The following PDPR variants were observed in gnomAD, a reference collection of about 807,000 sequenced individuals.
PDPR encodes pyruvate dehydrogenase phosphatase regulatory subunit.
PDPR carries 50 observed loss-of-function variants against 102.2 expected under a neutral mutation model. That is an observed-to-expected ratio of 0.49 (90% CI 0.39 to 0.62). The LOEUF (loss-of-function observed/expected upper bound fraction) is 0.62, where lower values mean the gene tolerates loss of function less well. Among genes scored for constraint, PDPR ranks in the 20% least tolerant of loss-of-function variants. The pLI is 0.00. For synonymous variants in PDPR, 259 were observed against 406.0 expected (o/e 0.64, Z 4.35); for missense variants, 625 against 1,098.2 (o/e 0.57, Z 6.09).
At chr16:70,156,433 C>G in intron 18 of PDPR, 42 bp from the exon 19 acceptor site, 1 of 1,603,528 alleles carries the variant, frequency 6.2e-7, no homozygotes, top group African/African-American at 1.3e-5. Flanking sequence ...TGCCGAGGGT[C>G]TGAGTGTCGC....
chr16:70,128,353 C>T (rs543157650), intron 4 of PDPR, among the ~76,000 whole-genome samples: 3 of 152,322 alleles, frequency 2.0e-5, no homozygotes, highest in Non-Finnish European at 4.4e-5. Context: ...TCAGCCTTCC[C>T]GGTAGCTGGG....
chr16:70,155,362 A>G (rs1393342936), intron 18 of PDPR, among the ~76,000 whole-genome samples: 1 of 152,156 alleles, frequency 6.6e-6, no homozygotes, highest in Non-Finnish European at 1.5e-5. Context: ...GCTCACTGCA[A>G]TCTCTGCCTC....
At chr16:70,125,726 T>C (rs1963896446) in intron 3 of PDPR, among the ~76,000 whole-genome samples, 1 of 152,154 alleles carries the variant, frequency 6.6e-6, no homozygotes, top group Non-Finnish European at 1.5e-5. Context: ...CTCTGCCTCC[T>C]GGGTTCAGGC....
chr16:70,137,231 T>A (rs1351179273), intron 10 of PDPR, among the ~76,000 whole-genome samples: 2 of 152,102 alleles, frequency 1.3e-5, no homozygotes, highest in African/African-American at 4.8e-5. Flanking sequence ...TGGCGGGTGC[T>A]TGTGGTCCCA....
Position 70,131,294 on chromosome 16 carries a change from A to T in PDPR, c.730-8A>T, listed in dbSNP as rs1964512164. ...TTCCCACCCACAAATCAACCTGTCC[A>T]TTTGTAGTGGGCATACGAGCTGGGT... On this transcript the variant is annotated splice_polypyrimidine_tract_variant and splice_region_variant and intron_variant, in intron 7 of 18. Coordinates refer to ENST00000288050, the MANE Select transcript of PDPR (RefSeq NM_017990.5). The T allele has an allele frequency of 6.7e-7, 1 of 1,503,560 alleles. No individual in the cohort carries two copies. 93.1% of individuals were successfully genotyped at this position (1,503,560 alleles called of 1,614,324 possible).
Position 70,158,435 on chromosome 16 carries a change from C to G in PDPR, c.*1556C>G, listed in dbSNP as rs541760940. ...TTTCATTAGAGCAGCTTAAAATGCT[C>G]AGGTGTCTGCCTTCTCTGGTGTTTC... is the stretch of plus-strand genomic sequence containing the variant. On this transcript the variant is annotated 3_prime_UTR_variant, in exon 19 of 19. Coordinates refer to ENST00000288050, the MANE Select transcript of PDPR (RefSeq NM_017990.5). 2.9e-4 allele frequency: 44 copies of G among 153,280 alleles called. No homozygotes were observed. The highest frequency in any genetic ancestry group is 1.0e-3 in the African/African-American group (42 of 41,590). 9.5% of individuals were successfully genotyped at this position (153,280 alleles called of 1,614,324 possible).
intron 18 of PDPR, among the ~76,000 whole-genome samples, chr16:70,154,228 T>G (rs907744726): frequency 5.9e-5 from 9 of 151,876 alleles, no homozygotes; most frequent in Admixed American, 1.3e-4. Flanking sequence ...CTCGGGAGGC[T>G]GAGGCAGGAG....
chr16:70,133,918 A>G (rs1300507979), intron 9 of PDPR, among the ~76,000 whole-genome samples: 9 of 151,810 alleles, frequency 5.9e-5, no homozygotes, highest in African/African-American at 2.2e-4. Context: ...TTTTTAGTAG[A>G]GACAGGGTTT....
intron 4 of PDPR, among the ~76,000 whole-genome samples, chr16:70,128,244 T>TA (rs1370105500): frequency 3.3e-5 from 5 of 152,212 alleles, no homozygotes; most frequent in Non-Finnish European, 5.9e-5. Flanking sequence ...TTCTTTTTTT[T>TA]AAAGACAAAG....
intron 11 of PDPR, among the ~76,000 whole-genome samples, chr16:70,141,725 C>T (rs1169130206): frequency 6.6e-6 from 1 of 152,278 alleles, no homozygotes; most frequent in Non-Finnish European, 1.5e-5. Flanking sequence ...CAGGGAGGGA[C>T]GATAGCAGCT....
chr16:70,115,993 A>C (rs1286404801), intron 2 of PDPR, among the ~76,000 whole-genome samples: 1 of 151,454 alleles, frequency 6.6e-6, no homozygotes, highest in Non-Finnish European at 1.5e-5. Flanking sequence ...CGTTGTCTTA[A>C]GCCCTTCTTT....
At position 70,122,018 on chromosome 16, in the gene PDPR, G is replaced by T. The variant is rs574219653; in HGVS notation, c.227+1299G>T. 8.5e-4 allele frequency among the ~76,000 whole-genome samples: 129 copies of T among 152,226 alleles called. No individual in the cohort carries two copies. In the East Asian group the frequency reaches 0.019, roughly 23 times the overall value. On this transcript the variant is annotated intron_variant, in intron 3 of 18. Coordinates refer to ENST00000288050, the MANE Select transcript of PDPR (RefSeq NM_017990.5). ...TCTTTTTTTTTTGAAATGGAGTCTG[G>T]CTCTGTCACCCAGGCTGGAGTGCAG...
intron 18 of PDPR, among the ~76,000 whole-genome samples, chr16:70,155,797 A>G (rs1967097227): frequency 1.3e-5 from 2 of 148,976 alleles, no homozygotes; most frequent in Non-Finnish European, 2.9e-5. Context: ...ATTATATAAA[A>G]AAGTCTTTTT....
chr16:70,158,547 G>A lies in PDPR; in HGVS notation c.*1668G>A, dbSNP rs1359827345. On this transcript the variant is annotated 3_prime_UTR_variant, in exon 19 of 19. Transcript: ENST00000288050. ...AACTAGACCACTCCTAGTGATTACT[G>A]ACTTTAGTGCCTAAACCTTTTTGGA... 2 of 142,216 alleles carry A rather than the reference G, an allele frequency of 1.4e-5. No individual in the cohort carries two copies. Among genetic ancestry groups the A allele is most frequent in the African/African-American group, 5.2e-5 (2 of 38,738 alleles). 8.8% of individuals were successfully genotyped at this position (142,216 alleles called of 1,614,324 possible).
At position 70,134,437 on chromosome 16, in the gene PDPR, C is replaced by G. The variant is rs564960556; in HGVS notation, c.998-1757C>G. On this transcript the variant is annotated intron_variant, in intron 9 of 18. Coordinates refer to ENST00000288050, the MANE Select transcript of PDPR (RefSeq NM_017990.5). ...GATGGGGTTTCACTATTTGGCCAGGCTGGTCTTGAACTCCTGACCTCAAGC... is the reference window on the plus strand; with the variant it reads ...GATGGGGTTTCACTATTTGGCCAGGGTGGTCTTGAACTCCTGACCTCAAGC... Among the ~76,000 whole-genome samples the G allele has an allele frequency of 2.0e-5, 3 of 151,800 alleles. No individual in the cohort carries two copies. The South Asian group carries it at 6.2e-4, about 32-fold the overall frequency.
chr16:70,157,207 A>T lies in PDPR; in HGVS notation c.*328A>T. The T allele has an allele frequency of 1.7e-6, 1 of 573,308 alleles. No homozygotes were observed. Among genetic ancestry groups the T allele is most frequent in the South Asian group, 1.5e-5 (1 of 65,496 alleles). 35.5% of individuals were successfully genotyped at this position (573,308 alleles called of 1,614,324 possible). On this transcript the variant is annotated 3_prime_UTR_variant, in exon 19 of 19. Coordinates refer to ENST00000288050, the MANE Select transcript of PDPR (RefSeq NM_017990.5). ...TGAGTGATGGTGACAGCTGCTTTCA[A>T]ATTCTGCATCTCAAGGCAGGGCAAG...
At chr16:70,123,695 G>C (rs1285199344) in intron 3 of PDPR, among the ~76,000 whole-genome samples, 1 of 152,250 alleles carries the variant, frequency 6.6e-6, no homozygotes, top group African/African-American at 2.4e-5. Context: ...TTAATTTGTT[G>C]CTTCAAGATT....
chr16:70,155,466 A>AT (rs1363936266), intron 18 of PDPR, among the ~76,000 whole-genome samples: 2 of 152,234 alleles, frequency 1.3e-5, no homozygotes, highest in African/African-American at 2.4e-5. Context: ...AATACAAAAA[A>AT]TTAGGTGGGT....
At chr16:70,155,310 T>G (rs1967020560) in intron 18 of PDPR, among the ~76,000 whole-genome samples, 1 of 152,350 alleles carries the variant, frequency 6.6e-6, no homozygotes, top group African/African-American at 2.4e-5. Flanking sequence ...AGACGGAGTT[T>G]CGTTCTTGTT....
Sources: gnomAD v4.1 joint callset for allele counts (sites outside exome capture counted in the v4.1 genomes callset) on GRCh38, gnomAD v4.1.1 for gene constraint, MANE v1.5 for transcripts, NCBI Gene and HGNC (gene_info 2026-07-23, HGNC 2026-07-21) for gene names.